Variants in FHIT observed in about 807,000 individuals in gnomAD.
The protein encoded by FHIT is fragile histidine triad diadenosine triphosphatase.
Under a neutral mutation model 17.9 loss-of-function variants are expected in FHIT, and 19 were observed. The observed-to-expected ratio is 1.06, with a 90% confidence interval of 0.74 to 1.56. FHIT has a LOEUF of 1.56. FHIT is among the 40% of genes most tolerant of loss of function. The pLI is 0.00. For synonymous variants in FHIT, 81 were observed against 69.7 expected, an observed-to-expected ratio of 1.16 and a Z score of -0.81; for missense variants, 248 against 189.2, an observed-to-expected ratio of 1.31 and a Z score of -1.82.
At chr3:60,091,028 G>C (rs574231874) in intron 5 of FHIT, among the ~76,000 whole-genome samples, 2 of 152,212 alleles carry the variant, frequency 1.3e-5, no homozygotes, top group Non-Finnish European at 2.9e-5. Flanking sequence ...GAGATCATTA[G>C]CCTCTTGACC....
chr3:60,284,634 T>C (rs213371), intron 5 of FHIT, among the ~76,000 whole-genome samples: 78,583 of 151,836 alleles, frequency 0.52, 21,039 homozygotes, highest in East Asian at 0.93. Context: ...CCATTGTTTC[T>C]GAGTAATCTG....
chr3:59,980,947 T>C (rs1384607408), intron 7 of FHIT, among the ~76,000 whole-genome samples: 1 of 152,152 alleles, frequency 6.6e-6, no homozygotes, highest in African/African-American at 2.4e-5. Context: ...AACATGAAAT[T>C]CTGCCAATGT....
At chr3:60,241,122 T>C (rs1705109002) in intron 5 of FHIT, among the ~76,000 whole-genome samples, 1 of 152,164 alleles carries the variant, frequency 6.6e-6, no homozygotes, top group African/African-American at 2.4e-5. Flanking sequence ...GGGGAATCAC[T>C]TCACTGAAGA....
At chr3:60,433,641 G>A (rs2029937695) in intron 5 of FHIT, among the ~76,000 whole-genome samples, 3 of 151,978 alleles carry the variant, frequency 2.0e-5, no homozygotes, top group Admixed American at 6.6e-5. Flanking sequence ...CTCTCACTGC[G>A]GTTCTGATTC....
chr3:60,075,961 C>T (rs1013579166), intron 5 of FHIT, among the ~76,000 whole-genome samples: 14 of 152,174 alleles, frequency 9.2e-5, no homozygotes, highest in Non-Finnish European at 2.1e-4. Context: ...AAAACAGCTA[C>T]GTGTGAGTTC....
chr3:59,890,094 T>C (rs980128319), intron 8 of FHIT, among the ~76,000 whole-genome samples: 6 of 152,174 alleles, frequency 3.9e-5, no homozygotes, highest in Admixed American at 6.5e-5. Flanking sequence ...TCATAGGATA[T>C]AGAGATGGGA....
chr3:61,036,715 A>G (rs988834271), intron 3 of FHIT, among the ~76,000 whole-genome samples: 14 of 152,320 alleles, frequency 9.2e-5, no homozygotes, highest in East Asian at 5.8e-4. Context: ...TATTAGGTCA[A>G]TCTAGGCTCT....
chr3:60,485,050 A>G (rs766725029), intron 5 of FHIT, among the ~76,000 whole-genome samples: 27 of 152,250 alleles, frequency 1.8e-4, no homozygotes, highest in Admixed American at 5.9e-4. Context: ...ACATATGAAA[A>G]AAAGCTCAAC....
At chr3:61,210,385 C>T (rs2039421367) in intron 1 of FHIT, among the ~76,000 whole-genome samples, 1 of 152,234 alleles carries the variant, frequency 6.6e-6, no homozygotes, top group Non-Finnish European at 1.5e-5. Flanking sequence ...TTTTGTTTGT[C>T]TGTGCCCGGC....
At chr3:61,239,274 G>T (rs1040946225) in intron 1 of FHIT, among the ~76,000 whole-genome samples, 1 of 152,166 alleles carries the variant, frequency 6.6e-6, no homozygotes, top group Non-Finnish European at 1.5e-5. Context: ...GTATGGCCTG[G>T]GCCCTATCTA....
At chr3:59,822,061 A>C (rs932380625) in intron 8 of FHIT, among the ~76,000 whole-genome samples, 1 of 152,140 alleles carries the variant, frequency 6.6e-6, no homozygotes, top group Admixed American at 6.5e-5. Flanking sequence ...TTGGTTTTCT[A>C]TTCCTGAGTT....
chr3:60,064,405 T>G (rs1702414300), intron 5 of FHIT, among the ~76,000 whole-genome samples: 2 of 152,198 alleles, frequency 1.3e-5, no homozygotes, highest in Admixed American at 1.3e-4. Flanking sequence ...CCCTCATACC[T>G]TGTCCACCAC....
chr3:60,654,766 G>A (rs1356837340), intron 4 of FHIT, among the ~76,000 whole-genome samples: 1 of 152,138 alleles, frequency 6.6e-6, no homozygotes, highest in Non-Finnish European at 1.5e-5. Context: ...AATCTTAATT[G>A]TGCAAATATT....
At chr3:60,201,527 A>C (rs1008180886) in intron 5 of FHIT, among the ~76,000 whole-genome samples, 26 of 152,132 alleles carry the variant, frequency 1.7e-4, no homozygotes, top group Non-Finnish European at 1.5e-4. Context: ...ATCATTTAAC[A>C]ACCACCCTAC....
chr3:60,510,502 T>C (rs2034908579), intron 5 of FHIT, among the ~76,000 whole-genome samples: 2 of 152,196 alleles, frequency 1.3e-5, no homozygotes, highest in Admixed American at 6.5e-5. Flanking sequence ...TGGCCTTTTA[T>C]CTCATTTTTT....
intron 4 of FHIT, among the ~76,000 whole-genome samples, chr3:60,721,384 C>T (rs1317550019): frequency 6.6e-6 from 1 of 150,478 alleles, no homozygotes; most frequent in Admixed American, 6.6e-5. Context: ...GAAGCTTTAT[C>T]TCTTTTAAGG....
At chr3:60,012,544 C>G (rs148218670) in intron 6 of FHIT, among the ~76,000 whole-genome samples, 2,679 of 152,138 alleles carry the variant, frequency 0.018, 90 homozygotes, top group African/African-American at 0.06. Context: ...GCTGGGATTA[C>G]AGGTGTGAGC....
chr3:60,622,887 C>T (rs1292910036), intron 4 of FHIT, among the ~76,000 whole-genome samples: 1 of 152,236 alleles, frequency 6.6e-6, no homozygotes, highest in Non-Finnish European at 1.5e-5. Context: ...AAAGAAGCAT[C>T]TCTTCTCCCA....
intron 3 of FHIT, among the ~76,000 whole-genome samples, chr3:60,863,500 G>C (rs958183666): frequency 1.3e-5 from 2 of 152,046 alleles, no homozygotes; most frequent in African/African-American, 4.8e-5. Context: ...AGAAAAGAAA[G>C]GGTTTAAGAA....
Sources: gnomAD v4.1 joint callset for allele counts (sites outside exome capture counted in the v4.1 genomes callset) on GRCh38, gnomAD v4.1.1 for gene constraint, MANE v1.5 for transcripts, NCBI Gene and HGNC (gene_info 2026-07-23, HGNC 2026-07-21) for gene names.